Variants in SULT1C3 observed in about 807,000 individuals in gnomAD.
SULT1C3 encodes sulfotransferase family 1C member 3.
In SULT1C3, 31 loss-of-function variants were observed where a neutral mutation model predicts 28.4. That is an observed-to-expected ratio of 1.09 (90% CI 0.82 to 1.47). The LOEUF is 1.47. Among genes scored for constraint, SULT1C3 ranks in the 40% most tolerant of loss-of-function variants. SULT1C3 has a pLI of 0.00. For missense variants in SULT1C3, 307 were observed against 272.5 expected, an observed-to-expected ratio of 1.13 and a Z score of -0.89; for synonymous variants, 106 against 92.2, an observed-to-expected ratio of 1.15 and a Z score of -0.86.
rs1038158079 is a variant in SULT1C3, at chr2:108,240,044, A to G, written c.-47A>G. ...TGGGTTTCCAGGAAGCAGTTTGACTAAAGGCAGCAAGCTGCTTCCTCTGCT... is the reference window on the plus strand; with the variant it reads ...TGGGTTTCCAGGAAGCAGTTTGACTGAAGGCAGCAAGCTGCTTCCTCTGCT... On this transcript the variant is annotated 5_prime_UTR_variant, in exon 1 of 8. Coordinates refer to ENST00000681802, the MANE Select transcript of SULT1C3 (RefSeq NM_001320878.2). Among the ~76,000 whole-genome samples the G allele has an allele frequency of 3.3e-5, 5 of 152,232 alleles. No homozygotes were observed. The highest frequency in any genetic ancestry group is 5.9e-5 in the Non-Finnish European group (4 of 68,044).
chr2:108,252,514 T>C lies in SULT1C3; in HGVS notation c.301+21T>C, dbSNP rs373878198. On this transcript the variant is annotated intron_variant, in intron 3 of 7. Coordinates refer to ENST00000681802, the MANE Select transcript of SULT1C3 (RefSeq NM_001320878.2). ...ACCAGGTGAGTAATATGCACGAAGA[T>C]AGAAAGGACTTTCACTTCAGGATTC... The C allele has an allele frequency of 1.1e-5, 17 of 1,610,120 alleles. No homozygotes were observed. In the African/African-American group the frequency reaches 1.6e-4, roughly 15 times the overall value.
intron 3 of SULT1C3, 75 bp from the exon 4 acceptor site, chr2:108,253,270 A>G (rs1195078411): frequency 5.2e-6 from 5 of 957,248 alleles, no homozygotes; most frequent in Non-Finnish European, 7.4e-6. Flanking sequence ...CTCTACAGAC[A>G]AAGATATAAA....
At chr2:108,251,681 G>A (rs113795035) in intron 2 of SULT1C3, among the ~76,000 whole-genome samples, 15 of 152,114 alleles carry the variant, frequency 9.9e-5, no homozygotes, top group African/African-American at 3.6e-4. Flanking sequence ...CTATAGGACA[G>A]CTGGCTAATT....
intron 5 of SULT1C3, among the ~76,000 whole-genome samples, chr2:108,256,571 T>C (rs1642688812): frequency 6.6e-6 from 1 of 152,030 alleles, no homozygotes; most frequent in African/African-American, 2.4e-5. Context: ...AATGGGTGAG[T>C]TGTGATGCTG....
chr2:108,250,249 T>C (rs1675696651), intron 2 of SULT1C3, among the ~76,000 whole-genome samples: 1 of 151,736 alleles, frequency 6.6e-6, no homozygotes, highest in African/African-American at 2.4e-5. Context: ...AAAAAATGTA[T>C]TAAAGTGGGC....
chr2:108,257,407 A>G (rs1573224651), intron 5 of SULT1C3, among the ~76,000 whole-genome samples: 1 of 152,048 alleles, frequency 6.6e-6, no homozygotes, highest in Non-Finnish European at 1.5e-5. Flanking sequence ...CTATATGTAC[A>G]TATTACATAG....
intron 1 of SULT1C3, among the ~76,000 whole-genome samples, chr2:108,243,825 G>A (rs932533387): frequency 2.0e-5 from 3 of 152,102 alleles, no homozygotes; most frequent in Non-Finnish European, 2.9e-5. Context: ...AGCACCACCC[G>A]ATTGACAAAC....
At chr2:108,251,728 T>A (rs938268195) in intron 2 of SULT1C3, among the ~76,000 whole-genome samples, 6 of 151,838 alleles carry the variant, frequency 4.0e-5, no homozygotes, top group African/African-American at 1.2e-4. Flanking sequence ...AAAATCAGTA[T>A]CATTAAGAAA....
Position 108,260,554 on chromosome 2 carries a change from T to C in SULT1C3, c.803-14T>C, listed in dbSNP as rs1011603218. 4 of 510,668 alleles carry C rather than the reference T, an allele frequency of 7.8e-6. No individual in the cohort carries two copies. Among genetic ancestry groups the C allele is most frequent in the African/African-American group, 5.8e-5 (3 of 51,854 alleles). 31.6% of individuals were successfully genotyped at this position (510,668 alleles called of 1,614,324 possible). Reference sequence around the variant, plus strand: ...GGTGCAGAGTCTGTCATGAACTTCTTTGATGTCCTACAGGGATGCCTGGAG... The same window carrying C: ...GGTGCAGAGTCTGTCATGAACTTCTCTGATGTCCTACAGGGATGCCTGGAG... On this transcript the variant is annotated splice_polypyrimidine_tract_variant and intron_variant, in intron 7 of 7. Coordinates refer to ENST00000681802, the MANE Select transcript of SULT1C3 (RefSeq NM_001320878.2).
chr2:108,245,835 A>T (rs1484274537), intron 1 of SULT1C3, among the ~76,000 whole-genome samples: 1 of 151,928 alleles, frequency 6.6e-6, no homozygotes, highest in Non-Finnish European at 1.5e-5. Flanking sequence ...CAAAAATGAG[A>T]TTTTCTTTTC....
chr2:108,250,047 A>T (rs1279532499), intron 2 of SULT1C3, among the ~76,000 whole-genome samples: 1 of 152,060 alleles, frequency 6.6e-6, no homozygotes, highest in Non-Finnish European at 1.5e-5. Context: ...AATGGAAAGC[A>T]CTACCCTTTA....
At chr2:108,247,149 TTTAAAAA>T in intron 1 of SULT1C3, 32 bp from the exon 2 acceptor site, 1 of 1,378,544 alleles carries the variant, frequency 7.3e-7, no homozygotes, top group Non-Finnish European at 9.5e-7. Context: ...AAACAACATT[TTTAAAAA>T]TTTTAATTAG....
chr2:108,243,966 C>T (rs1675525725), intron 1 of SULT1C3, among the ~76,000 whole-genome samples: 1 of 152,104 alleles, frequency 6.6e-6, no homozygotes, highest in Admixed American at 6.5e-5. Context: ...AGACATGAAA[C>T]AAGATGGAGG....
intron 1 of SULT1C3, among the ~76,000 whole-genome samples, 195 bp from the exon 2 acceptor site, chr2:108,246,993 C>T (rs1675597318): frequency 1.3e-5 from 2 of 152,122 alleles, no homozygotes; most frequent in Non-Finnish European, 2.9e-5. Flanking sequence ...ACAGAAAAAA[C>T]TATTACCTAT....
chr2:108,251,552 A>G (rs893417257), intron 2 of SULT1C3, among the ~76,000 whole-genome samples: 8 of 152,060 alleles, frequency 5.3e-5, no homozygotes, highest in Non-Finnish European at 8.8e-5. Context: ...GAAATCTGCC[A>G]AAAATGTTCG....
rs1675985223 is a variant in SULT1C3, at chr2:108,260,137, T to C, written c.803-431T>C. ...AATGTCATTTCCAGTGGATTTACTATTTAATTTTACCCAACAAGTAATATC... is the reference window on the plus strand; with the variant it reads ...AATGTCATTTCCAGTGGATTTACTACTTAATTTTACCCAACAAGTAATATC... On this transcript the variant is annotated intron_variant, in intron 7 of 7. Coordinates refer to ENST00000681802, the MANE Select transcript of SULT1C3 (RefSeq NM_001320878.2). Among the ~76,000 whole-genome samples the C allele has an allele frequency of 2.0e-5, 3 of 152,258 alleles. No individual in the cohort carries two copies. In the South Asian group the frequency reaches 6.2e-4, roughly 32 times the overall value.
chr2:108,258,507 TG>T (rs1323741594), intron 5 of SULT1C3, among the ~76,000 whole-genome samples: 1 of 152,158 alleles, frequency 6.6e-6, no homozygotes, highest in Non-Finnish European at 1.5e-5. Context: ...TTTTAAGACA[TG>T]TCACAAGACA....
chr2:108,263,271 AG>A (rs1676063552), downstream of SULT1C3, among the ~76,000 whole-genome samples: 1 of 152,160 alleles, frequency 6.6e-6, no homozygotes, highest in Admixed American at 6.5e-5. Flanking sequence ...TCATGTTGTA[AG>A]GCCCAGGAAA....
At position 108,245,007 on chromosome 2, in the gene SULT1C3, G is replaced by A. The variant is rs535841703; in HGVS notation, c.-7-2181G>A. 3.3e-5 allele frequency among the ~76,000 whole-genome samples: 5 copies of A among 152,266 alleles called. No individual in the cohort carries two copies. In the East Asian group the frequency reaches 7.7e-4, roughly 24 times the overall value. ...GGGGAGTGCATGTTGAAGATGATCT[G>A]TTACCCATCTAAAAACAGAAGTGAG... On this transcript the variant is annotated intron_variant, in intron 1 of 7. Coordinates refer to ENST00000681802, the MANE Select transcript of SULT1C3 (RefSeq NM_001320878.2).
Sources: gnomAD v4.1 joint callset for allele counts (sites outside exome capture counted in the v4.1 genomes callset) on GRCh38, gnomAD v4.1.1 for gene constraint, MANE v1.5 for transcripts, NCBI Gene and HGNC (gene_info 2026-07-23, HGNC 2026-07-21) for gene names.